DNAJC8: variants seen among roughly 807,000 people sequenced by gnomAD.
DNAJC8 encodes DnaJ heat shock protein family (Hsp40) member C8, also known as dnaJ homolog subfamily C member 8.
In DNAJC8, 24 loss-of-function variants were observed where a neutral mutation model predicts 43.2. The observed-to-expected ratio is 0.56, with a 90% confidence interval of 0.40 to 0.78. The LOEUF is 0.78. Ranked by LOEUF, DNAJC8 falls within the 30% of genes least tolerant of loss-of-function variation. The pLI is 0.00. For synonymous variants in DNAJC8, 83 were observed against 98.0 expected, an observed-to-expected ratio of 0.85 and a Z score of 0.90; for missense variants, 207 against 299.4, an observed-to-expected ratio of 0.69 and a Z score of 2.28.
At chr1:28,202,286 GT>G (rs779210480) in intron 8 of DNAJC8, among the ~76,000 whole-genome samples, 2 of 152,054 alleles carry the variant, frequency 1.3e-5, no homozygotes, top group African/African-American at 2.4e-5. Context: ...TGTCATTGTT[GT>G]TGTCTTTTGT....
chr1:28,203,513 A>C (rs1413510269), intron 8 of DNAJC8, among the ~76,000 whole-genome samples: 1 of 152,210 alleles, frequency 6.6e-6, no homozygotes, highest in African/African-American at 2.4e-5. Context: ...AAAGAAATTA[A>C]ACAATAATTT....
At chr1:28,213,111 G>A (rs1461501351) in intron 3 of DNAJC8, among the ~76,000 whole-genome samples, 5 of 152,084 alleles carry the variant, frequency 3.3e-5, no homozygotes, top group Admixed American at 6.5e-5. Flanking sequence ...TAACAGACAC[G>A]GAAAGGTTAA....
chr1:28,208,929 A>C (rs1400749890), intron 5 of DNAJC8: 1 of 152,252 alleles, frequency 6.6e-6, no homozygotes, highest in Admixed American at 6.6e-5. Flanking sequence ...GCCACTACTG[A>C]GATAAAAAAT....
In DNAJC8 at chr1:28,200,453, A is replaced by G. The variant is rs1343239488; in HGVS notation, c.*795T>C. ...ATATTCCCATTTCATAGATGAAGAA[A>G]CTAAGGTTCAGCCAGGTCTGTCCAA... On this transcript the variant is annotated 3_prime_UTR_variant, in exon 9 of 9. Coordinates refer to ENST00000263697, the MANE Select transcript of DNAJC8 (RefSeq NM_014280.3). 4.4e-6 allele frequency: 2 copies of G among 455,312 alleles called. No homozygotes were observed. The highest frequency in any genetic ancestry group is 4.7e-5 in the Admixed American group (2 of 42,192). The allele number at this position is 455,312 out of a possible 1,614,324, so 28.2% of individuals were successfully genotyped here. A position where few individuals can be genotyped will look rare whatever the true frequency, so the allele number is the denominator to read the frequency against.
At position 28,210,654 on chromosome 1, in the gene DNAJC8, G is replaced by A; in HGVS notation, c.238-17C>T. On this transcript the variant is annotated splice_polypyrimidine_tract_variant and intron_variant, in intron 3 of 8. Coordinates refer to ENST00000263697, the MANE Select transcript of DNAJC8 (RefSeq NM_014280.3). Reference sequence around the variant, plus strand: ...GATGGATAACTACAATAAGAGAAAAGTTGGGGTTGTCAATAAGGGAAACAT... The same window carrying A: ...GATGGATAACTACAATAAGAGAAAAATTGGGGTTGTCAATAAGGGAAACAT... 1.9e-6 allele frequency: 3 copies of A among 1,610,866 alleles called. No individual in the cohort carries two copies. The highest frequency in any genetic ancestry group is 1.7e-6 in the Non-Finnish European group (2 of 1,177,406).
At chr1:28,208,249 T>C (rs1253155039) in intron 6 of DNAJC8, 93 bp downstream of exon 6, 9 of 808,646 alleles carry the variant, frequency 1.1e-5, no homozygotes, top group Non-Finnish European at 1.8e-5. Flanking sequence ...AAATAGCATA[T>C]ATTCATCATT....
rs757522302 is a variant in DNAJC8, at chr1:28,201,210, T to C, written c.*38A>G. 6.2e-6 allele frequency: 10 copies of C among 1,610,570 alleles called. No homozygotes were observed. The highest frequency in any genetic ancestry group is 8.5e-6 in the Non-Finnish European group (10 of 1,179,448). ...GAGTCCTTCGAAGCAGGAAGGGAGA[T>C]AGCAGGGGAAAGGTTCTGTGCCTGT... On this transcript the variant is annotated 3_prime_UTR_variant, in exon 9 of 9. Transcript: ENST00000263697.
At chr1:28,224,595 CA>C (rs1239612550) in intron 2 of DNAJC8, among the ~76,000 whole-genome samples, 1 of 151,720 alleles carries the variant, frequency 6.6e-6, no homozygotes, top group Non-Finnish European at 1.5e-5. Context: ...CAAAACAAAA[CA>C]AACACGCCAG....
chr1:28,212,173 AT>A (rs1646816426), intron 3 of DNAJC8, among the ~76,000 whole-genome samples: 909 of 79,296 alleles, frequency 0.011, 78 homozygotes, highest in African/African-American at 0.029. Context: ...AAATAAATAT[AT>A]ATATATATAT....
At chr1:28,212,199 A>G (rs1392574541) in intron 3 of DNAJC8, among the ~76,000 whole-genome samples, 17 of 117,970 alleles carry the variant, frequency 1.4e-4, no homozygotes, top group Middle Eastern at 4.0e-3. Flanking sequence ...ATATATATAT[A>G]TATATATATA....
chr1:28,221,794 A>G (rs138861222), intron 2 of DNAJC8, among the ~76,000 whole-genome samples: 1 of 152,274 alleles, frequency 6.6e-6, no homozygotes, highest in African/African-American at 2.4e-5. Flanking sequence ...TTATACATCC[A>G]TGTTTATAGC....
chr1:28,226,255 C>G (rs573003222), intron 2 of DNAJC8, among the ~76,000 whole-genome samples: 4 of 151,162 alleles, frequency 2.6e-5, no homozygotes, highest in African/African-American at 7.3e-5. Flanking sequence ...TCTGTAATCA[C>G]GGCACTTTGA....
intron 2 of DNAJC8, among the ~76,000 whole-genome samples, chr1:28,225,060 A>C (rs1206779593): frequency 6.6e-6 from 1 of 151,298 alleles, no homozygotes; most frequent in Non-Finnish European, 1.5e-5. Flanking sequence ...TTTTGGGACA[A>C]TTAGTAAAAC....
rs764817093 is a variant in DNAJC8 at position 28,214,951 on chromosome 1, T to C, written c.226A>G (p.Arg76Gly). The C allele has an allele frequency of 4.8e-5, 77 of 1,609,242 alleles. No individual in the cohort carries two copies. Among genetic ancestry groups the C allele is most frequent in the Non-Finnish European group, 6.5e-5 (76 of 1,177,542 alleles). ...AAATAGTACTGTACCTGCCGAAACC[T>C]CTTTTTTATTTCTTCATCTGTAACT... The part of the protein sequence containing the change: ...PEVTDEEIKK[R>G]FRQLSILVHP... The change falls in exon 3 of 9, where the codon AGG becomes GGG. Residue 76 changes from arginine to glycine, a missense_variant. Transcript: ENST00000263697.
intron 2 of DNAJC8, among the ~76,000 whole-genome samples, chr1:28,216,200 T>C (rs1279403546): frequency 3.3e-5 from 5 of 152,034 alleles, no homozygotes; most frequent in African/African-American, 1.2e-4. Context: ...AATACAATAT[T>C]AGCCAGGCGT....
At chr1:28,221,458 ACATACTTCCTAT>A (rs2149021859) in intron 2 of DNAJC8, among the ~76,000 whole-genome samples, 1 of 152,238 alleles carries the variant, frequency 6.6e-6, no homozygotes, top group African/African-American at 2.4e-5. Context: ...ACACATCTAA[ACATACTTCCTAT>A]AGTGAGAACA....
At chr1:28,206,372 C>T (rs766034528) in intron 6 of DNAJC8, among the ~76,000 whole-genome samples, 6 of 151,594 alleles carry the variant, frequency 4.0e-5, no homozygotes, top group Non-Finnish European at 7.4e-5. Context: ...TACTTCAGCC[C>T]CCAAAGCACT....
chr1:28,228,782 T>C (rs1262030452), intron 2 of DNAJC8, 140 bp downstream of exon 2: 2 of 721,626 alleles, frequency 2.8e-6, no homozygotes, highest in Non-Finnish European at 4.6e-6. Flanking sequence ...TTTTGTACTA[T>C]ACAGATTCCA....
chr1:28,211,199 A>T (rs1419931240), intron 3 of DNAJC8, among the ~76,000 whole-genome samples: 1 of 152,044 alleles, frequency 6.6e-6, no homozygotes, highest in Non-Finnish European at 1.5e-5. Context: ...AAACAAATGG[A>T]AGCCTAGCAC....
Sources: gnomAD v4.1 joint callset for allele counts (sites outside exome capture counted in the v4.1 genomes callset) on GRCh38, gnomAD v4.1.1 for gene constraint, MANE v1.5 for transcripts, NCBI Gene and HGNC (gene_info 2026-07-23, HGNC 2026-07-21) for gene names.